The following ITIH5 variants were observed in gnomAD, a reference collection of about 807,000 sequenced individuals.
The protein encoded by ITIH5 is inter-alpha-trypsin inhibitor heavy chain 5.
A neutral mutation model predicts 77.5 loss-of-function variants in ITIH5; 65 were observed. The observed-to-expected ratio is 0.84, with a 90% confidence interval of 0.69 to 1.03. ITIH5 has a LOEUF of 1.03. Ranked by LOEUF, ITIH5 falls within the 50% of genes least tolerant of loss-of-function variation. The pLI, the probability that ITIH5 is intolerant of heterozygous loss-of-function variation, is 0.00. For missense variants in ITIH5, 1,208 were observed against 1,213.1 expected (o/e 1.00, Z 0.06); for synonymous variants, 525 against 494.3 (o/e 1.06, Z -0.82).
chr10:7,624,887 G>A (rs1351094849), intron 5 of ITIH5, among the ~76,000 whole-genome samples: 3 of 56,950 alleles, frequency 5.3e-5, no homozygotes, highest in Non-Finnish European at 9.1e-5. Context: ...GTATATATAT[G>A]TGTATATATA....
intron 5 of ITIH5, among the ~76,000 whole-genome samples, chr10:7,630,023 A>G (rs1020558423): frequency 6.6e-6 from 1 of 152,242 alleles, no homozygotes; most frequent in African/African-American, 2.4e-5. Context: ...CATGTATATT[A>G]AAAACTTAAA....
chr10:7,565,499 G>A (rs1832131926), intron 13 of ITIH5, among the ~76,000 whole-genome samples: 1 of 149,714 alleles, frequency 6.7e-6, no homozygotes, highest in Non-Finnish European at 1.5e-5. Context: ...TATATATTAT[G>A]TATATGTGTG....
chr10:7,644,863 C>CATATATAACATATATATATCACAT (rs1564278294), intron 2 of ITIH5, among the ~76,000 whole-genome samples: 11 of 117,386 alleles, frequency 9.4e-5, no homozygotes, highest in African/African-American at 3.3e-4. Context: ...ATATGTATCA[C>CATATATAACATATATATATCACAT]ATATATATCA....
intron 12 of ITIH5, 154 bp downstream of exon 12, chr10:7,569,514 C>A: frequency 3.9e-6 from 2 of 507,974 alleles, no homozygotes; most frequent in South Asian, 3.8e-5. Flanking sequence ...TGCATAAGTC[C>A]AGGAGCGCAG....
At chr10:7,630,022 T>TAAA (rs1833687925) in intron 5 of ITIH5, among the ~76,000 whole-genome samples, 1 of 152,228 alleles carries the variant, frequency 6.6e-6, no homozygotes, top group Admixed American at 6.5e-5. Context: ...ACATGTATAT[T>TAAA]AAAAACTTAA....
intron 7 of ITIH5, among the ~76,000 whole-genome samples, chr10:7,598,968 C>T (rs1353301580): frequency 6.6e-6 from 1 of 152,176 alleles, no homozygotes; most frequent in Non-Finnish European, 1.5e-5. Context: ...CATCTTAACC[C>T]TCTGCTTATG....
chr10:7,638,323 C>T (rs1833833293), intron 4 of ITIH5, among the ~76,000 whole-genome samples: 1 of 152,078 alleles, frequency 6.6e-6, no homozygotes, highest in Admixed American at 6.5e-5. Flanking sequence ...CTCCTCCTTC[C>T]CAGAACTGGA....
intron 7 of ITIH5, among the ~76,000 whole-genome samples, chr10:7,595,321 TAC>T (rs1343285931): frequency 6.9e-6 from 1 of 145,140 alleles, no homozygotes; most frequent in Non-Finnish European, 1.5e-5. Flanking sequence ...CCCAGATAGA[TAC>T]ACTTAGTAAA....
chr10:7,587,256 A>C (rs1243254593), intron 7 of ITIH5, among the ~76,000 whole-genome samples: 1 of 152,214 alleles, frequency 6.6e-6, no homozygotes, highest in Non-Finnish European at 1.5e-5. Context: ...GAAAGAAGAA[A>C]GAAGCCATAT....
chr10:7,659,530 A>G (rs150678420), intron 1 of ITIH5, among the ~76,000 whole-genome samples: 14 of 152,250 alleles, frequency 9.2e-5, no homozygotes, highest in African/African-American at 3.4e-4. Flanking sequence ...TTCCCTCCCT[A>G]AATTGTGGAG....
chr10:7,650,146 G>A (rs775511116), intron 2 of ITIH5, among the ~76,000 whole-genome samples: 2 of 152,170 alleles, frequency 1.3e-5, no homozygotes, highest in African/African-American at 2.4e-5. Context: ...CAAGCCACCC[G>A]AGGATGTCCT....
At chr10:7,599,727 A>G (rs1230638228) in intron 7 of ITIH5, among the ~76,000 whole-genome samples, 1 of 152,234 alleles carries the variant, frequency 6.6e-6, no homozygotes, top group Non-Finnish European at 1.5e-5. Flanking sequence ...GGCTGGGAAA[A>G]AGCCATGCTC....
Position 7,559,862 on chromosome 10 carries a change from G to T in ITIH5, c.*3221C>A, listed in dbSNP as rs550585550. 9.6e-3 allele frequency: 3,907 copies of T among 406,338 alleles called. 153 individuals carry two copies. In the African/African-American group the frequency reaches 0.1, roughly 10 times the overall value. The allele number at this position is 406,338 out of a possible 1,614,324, so 25.2% of individuals were successfully genotyped here. ...CCATGTCTTTTTTTTGTTTTGTTTT[G>T]TTTTTTTTTGACGGAGTTTGGCTCT... On this transcript the variant is annotated 3_prime_UTR_variant, in exon 14 of 14. Transcript: ENST00000397146.
intron 12 of ITIH5, among the ~76,000 whole-genome samples, chr10:7,566,863 GA>G (rs1832190437): frequency 3.5e-5 from 3 of 85,968 alleles, no homozygotes; most frequent in African/African-American, 1.6e-4. Context: ...AGAAGAAGAA[GA>G]AGAAGAAGAA....
chr10:7,643,021 A>G (rs947509963), intron 2 of ITIH5, among the ~76,000 whole-genome samples: 22 of 152,142 alleles, frequency 1.4e-4, no homozygotes, highest in African/African-American at 5.3e-4. Context: ...TGCCTTTGGG[A>G]GAAATTGATT....
At chr10:7,627,329 G>GT (rs1554755699) in intron 5 of ITIH5, among the ~76,000 whole-genome samples, 1 of 54,918 alleles carries the variant, frequency 1.8e-5, no homozygotes, top group Non-Finnish European at 5.3e-5. Flanking sequence ...AGAAGATAAA[G>GT]TAAAAAAAAA....
intron 7 of ITIH5, among the ~76,000 whole-genome samples, chr10:7,596,040 T>C (rs926966664): frequency 6.6e-6 from 1 of 152,192 alleles, no homozygotes; most frequent in African/African-American, 2.4e-5. Flanking sequence ...CAAATAAATG[T>C]AAACTCTATT....
intron 4 of ITIH5, among the ~76,000 whole-genome samples, chr10:7,639,815 T>C (rs138531922): frequency 6.6e-6 from 1 of 152,240 alleles, no homozygotes; most frequent in Non-Finnish European, 1.5e-5. Context: ...AGAATAAAAG[T>C]ATTACAAGTC....
chr10:7,567,594 T>C (rs1216782302), intron 12 of ITIH5, among the ~76,000 whole-genome samples: 2 of 151,986 alleles, frequency 1.3e-5, no homozygotes, highest in African/African-American at 4.8e-5. Context: ...CGGTGTTTGG[T>C]TTTCTGTCCT....
Sources: allele counts gnomAD v4.1 joint callset (sites outside exome capture counted in the v4.1 genomes callset), GRCh38; gene constraint gnomAD v4.1.1; transcripts MANE v1.5; gene names NCBI Gene and HGNC (gene_info 2026-07-23, HGNC 2026-07-21).